Variants in BIN3 observed in about 807,000 individuals in gnomAD.
BIN3 encodes the protein bridging integrator 3.
In BIN3, 41 loss-of-function variants were observed where a neutral mutation model predicts 38.2. That is an observed-to-expected ratio of 1.07 (90% confidence interval 0.84 to 1.39). BIN3 has a LOEUF of 1.39. Among genes scored for constraint, BIN3 ranks in the 40% most tolerant of loss-of-function variants. BIN3 has a pLI of 0.00. For synonymous variants in BIN3, 145 were observed against 122.6 expected, an observed-to-expected ratio of 1.18 and a Z score of -1.21; for missense variants, 361 against 324.3, an observed-to-expected ratio of 1.11 and a Z score of -0.87.
chr8:22,645,483 T>C (rs934166686), intron 1 of BIN3, among the ~76,000 whole-genome samples: 1 of 150,034 alleles, frequency 6.7e-6, no homozygotes, highest in Non-Finnish European at 1.5e-5. Context: ...CCCTGTCTTT[T>C]AAAGAGATAA....
intron 1 of BIN3, among the ~76,000 whole-genome samples, chr8:22,666,287 G>A (rs1803414715): frequency 6.6e-6 from 1 of 151,370 alleles, no homozygotes; most frequent in Non-Finnish European, 1.5e-5. Flanking sequence ...ACTGGAAGAT[G>A]GGGAAGAGAG....
intron 8 of BIN3, among the ~76,000 whole-genome samples, chr8:22,623,585 G>A (rs1161308773): frequency 6.6e-6 from 1 of 152,236 alleles, no homozygotes; most frequent in Non-Finnish European, 1.5e-5. Flanking sequence ...CCTGGGCCAA[G>A]AAACCGCCCA....
At chr8:22,643,482 A>G (rs1480706726) in intron 2 of BIN3, among the ~76,000 whole-genome samples, 1 of 152,026 alleles carries the variant, frequency 6.6e-6, no homozygotes, top group Non-Finnish European at 1.5e-5. Context: ...AGGCGTGCAT[A>G]TTTTTTGGTA....
intron 1 of BIN3, among the ~76,000 whole-genome samples, chr8:22,647,190 A>C (rs1164804180): frequency 3.3e-5 from 5 of 152,264 alleles, no homozygotes; most frequent in African/African-American, 1.2e-4. Flanking sequence ...TGAGAATTCT[A>C]AAGAAGTCTC....
At chr8:22,630,698 C>T (rs558586590) in intron 4 of BIN3, 120 bp from the exon 5 acceptor site, 15 of 1,192,214 alleles carry the variant, frequency 1.3e-5, no homozygotes, top group African/African-American at 6.1e-5. Context: ...CCCACAGCCA[C>T]GGCCGTCAAG....
Position 22,631,926 on chromosome 8 carries a change from G to A in BIN3, c.161-1348C>T, listed in dbSNP as rs547512178. Among the ~76,000 whole-genome samples, 97 of 152,362 alleles carry A rather than the reference G, an allele frequency of 6.4e-4. 2 individuals carry two copies. In the South Asian group the frequency reaches 0.02, roughly 32 times the overall value. ...ATTCTAGAAACAAAATTCTGGAGGG[G>A]CAGGAAGCGGCCCTGGAGAAGGGTC... On this transcript the variant is annotated intron_variant, in intron 4 of 8. Coordinates refer to ENST00000276416, the MANE Select transcript of BIN3 (RefSeq NM_018688.6).
At chr8:22,649,787 GAAGA>G (rs1406069076) in intron 1 of BIN3, among the ~76,000 whole-genome samples, 3 of 137,380 alleles carry the variant, frequency 2.2e-5, no homozygotes, top group Non-Finnish European at 3.1e-5. Context: ...TAAAAACCTG[GAAGA>G]GATAGAAAAA....
rs764205175 is a variant in BIN3 at position 22,624,247 on chromosome 8, C to T, written c.455G>A (p.Gly152Glu). Residue 152 changes from glycine (G) to glutamate (E), a missense_variant, in exon 7 of 9, where the codon GGG becomes GAG. Physicochemically the swap from Gly to Glu is moderately conservative, Grantham distance 98. Coordinates refer to ENST00000276416, the MANE Select transcript of BIN3 (RefSeq NM_018688.6). ...VEKYEEKEKT[G>E]PVLAKLHQAR... The stretch of plus-strand genomic sequence containing the variant: ...CTGGTGGAGCTTGGCCAGCACTGGC[C>T]CCGTCTTCTCCTTTTCCTCATACTT... 18 of 1,613,724 alleles carry T rather than the reference C, an allele frequency of 1.1e-5. No homozygotes were observed. Among genetic ancestry groups the T allele is most frequent in the Non-Finnish European group, 1.4e-5 (16 of 1,179,864 alleles).
chr8:22,621,109 CGAAGCCCAT>C lies in BIN3; in HGVS notation c.*304_*312del, dbSNP rs1801785244. 9.7e-6 allele frequency: 3 copies of C among 310,498 alleles called. No homozygotes were observed. In the South Asian group the frequency reaches 1.6e-4, roughly 17 times the overall value. 19.2% of individuals were successfully genotyped at this position (310,498 alleles called of 1,614,324 possible). ...AGGCTAAGACCCCCAACTTAGCCAACGAAGCCCATGGCCTCAGAAGGGCTGCAGCTTGCT... is the reference window on the plus strand; with the variant it reads ...AGGCTAAGACCCCCAACTTAGCCAACGGCCTCAGAAGGGCTGCAGCTTGCT... On this transcript the variant is annotated 3_prime_UTR_variant, in exon 9 of 9. Transcript: ENST00000276416.
chr8:22,624,065 T>C lies in BIN3; in HGVS notation c.481-16A>G. 2.1e-6 allele frequency: 3 copies of C among 1,434,940 alleles called. No individual in the cohort carries two copies. Among genetic ancestry groups the C allele is most frequent in the Non-Finnish European group, 2.8e-6 (3 of 1,067,520 alleles). 88.9% of individuals were successfully genotyped at this position (1,434,940 alleles called of 1,614,324 possible). ...CCTCTCGTGCCTAGGGAACAAGACC[T>C]GGGTGTCAAAACTCTCTCACTGCTG... On this transcript the variant is annotated splice_polypyrimidine_tract_variant and intron_variant, in intron 7 of 8. Transcript: ENST00000276416.
chr8:22,621,317 G>A lies in BIN3; in HGVS notation c.*105C>T. On this transcript the variant is annotated 3_prime_UTR_variant, in exon 9 of 9. Transcript: ENST00000276416. Reference sequence around the variant, plus strand: ...TTGCAAAGGGCCGGCAAGTGAACCAGGGCCACCTCTGTCCCCAGCCTGTGA... The same window carrying A: ...TTGCAAAGGGCCGGCAAGTGAACCAAGGCCACCTCTGTCCCCAGCCTGTGA... 2.1e-6 allele frequency: 3 copies of A among 1,428,736 alleles called. No homozygotes were observed. Among genetic ancestry groups the A allele is most frequent in the Non-Finnish European group, 2.8e-6 (3 of 1,070,406 alleles). The allele number at this position is 1,428,736 out of a possible 1,614,324, so 88.5% of individuals were successfully genotyped here.
intron 8 of BIN3, among the ~76,000 whole-genome samples, chr8:22,621,951 G>A (rs1801838692): frequency 6.6e-6 from 1 of 152,238 alleles, no homozygotes; most frequent in African/African-American, 2.4e-5. Flanking sequence ...AGCATGGTAG[G>A]CTGATGGCTC....
At chr8:22,631,401 A>G (rs1554567718) in intron 4 of BIN3, among the ~76,000 whole-genome samples, 2 of 152,180 alleles carry the variant, frequency 1.3e-5, no homozygotes, top group Non-Finnish European at 2.9e-5. Context: ...AAAGAGCTCC[A>G]AAGCTGCCAG....
intron 1 of BIN3, among the ~76,000 whole-genome samples, chr8:22,659,346 G>A (rs961354679): frequency 1.3e-5 from 2 of 152,156 alleles, no homozygotes; most frequent in African/African-American, 4.8e-5. Flanking sequence ...ACCCCGACCC[G>A]CCAACAGTCC....
intron 5 of BIN3, among the ~76,000 whole-genome samples, 173 bp downstream of exon 5, chr8:22,630,269 A>G (rs1014179926): frequency 6.6e-6 from 1 of 152,228 alleles, no homozygotes; most frequent in South Asian, 2.1e-4. Flanking sequence ...GAGCCAAGGC[A>G]GAACAGTCTG....
chr8:22,652,570 C>T (rs921490996), intron 1 of BIN3, among the ~76,000 whole-genome samples: 1 of 152,240 alleles, frequency 6.6e-6, no homozygotes, highest in Non-Finnish European at 1.5e-5. Flanking sequence ...TGTGCGTTCA[C>T]TTCATCCTCC....
intron 1 of BIN3, 88 bp from the exon 2 acceptor site, chr8:22,644,891 C>A: frequency 1.6e-6 from 2 of 1,226,148 alleles, no homozygotes; most frequent in Middle Eastern, 3.8e-4. Flanking sequence ...CCACTTTCCC[C>A]CAGGAGGGCG....
At chr8:22,623,702 C>T (rs1452568658) in intron 8 of BIN3, among the ~76,000 whole-genome samples, 1 of 152,230 alleles carries the variant, frequency 6.6e-6, no homozygotes, top group Admixed American at 6.5e-5. Flanking sequence ...ATGGGATTTA[C>T]CAGAGAGCAA....
chr8:22,632,705 C>CCT (rs1802244828), intron 4 of BIN3, among the ~76,000 whole-genome samples: 2 of 132,166 alleles, frequency 1.5e-5, no homozygotes, highest in Admixed American at 8.0e-5. Context: ...TTCCACTTTC[C>CCT]TTTTTTTTTT....
Sources: gnomAD v4.1 joint callset for allele counts (sites outside exome capture counted in the v4.1 genomes callset) on GRCh38, gnomAD v4.1.1 for gene constraint, MANE v1.5 for transcripts, NCBI Gene and HGNC (gene_info 2026-07-23, HGNC 2026-07-21) for gene names.